Variants in CREB3L1 observed in about 807,000 individuals in gnomAD.
The protein encoded by CREB3L1 is cyclic AMP-responsive element-binding protein 3-like protein 1.
A neutral mutation model predicts 54.5 loss-of-function variants in CREB3L1; 33 were observed. The observed-to-expected ratio is 0.61, with a 90% CI of 0.46 to 0.81. The LOEUF (loss-of-function observed/expected upper bound fraction) is 0.81. Among genes scored for constraint, CREB3L1 ranks in the 30% least tolerant of loss-of-function variants. The probability of loss-of-function intolerance (pLI) is 0.00; values close to 1 mark genes in which losing one functional copy is unlikely to be tolerated. For missense variants in CREB3L1, 656 were observed against 673.3 expected (o/e 0.97, Z 0.29); for synonymous variants, 284 against 286.4 (o/e 0.99, Z 0.08).
intron 2 of CREB3L1, among the ~76,000 whole-genome samples, chr11:46,300,484 C>A (rs1392453410): frequency 1.3e-5 from 2 of 152,252 alleles, no homozygotes; most frequent in African/African-American, 2.4e-5. Context: ...GAATCACAAC[C>A]CTGTGGGTAG....
In CREB3L1 at chr11:46,277,732, C is replaced by T. The variant is rs1343402197; in HGVS notation, c.-380C>T. 1.8e-5 allele frequency: 4 copies of T among 222,532 alleles called. No homozygotes were observed. Among genetic ancestry groups the T allele is most frequent in the African/African-American group, 4.5e-5 (2 of 44,380 alleles). 13.8% of individuals were successfully genotyped at this position (222,532 alleles called of 1,614,324 possible). A position where few individuals can be genotyped will look rare whatever the true frequency, so the allele number is the denominator to read the frequency against. On this transcript the variant is annotated 5_prime_UTR_variant, in exon 1 of 12. Transcript: ENST00000621158. ...GAGGAGAGGCCGGCAGCCACCCAGT[C>T]TCGGGGGAGCACTTAGCTCCCCCGC...
chr11:46,316,097 C>A, intron 8 of CREB3L1, 189 bp from the exon 9 acceptor site: 1 of 528,884 alleles, frequency 1.9e-6, no homozygotes, highest in Non-Finnish European at 3.4e-6. Context: ...CAGCCAGTCA[C>A]CATGAGGCAG....
At chr11:46,313,633 C>A (rs1939523642) in intron 8 of CREB3L1, among the ~76,000 whole-genome samples, 1 of 151,986 alleles carries the variant, frequency 6.6e-6, no homozygotes, top group Admixed American at 6.6e-5. Context: ...TTGCAGTGAG[C>A]TGACACTGTG....
intron 10 of CREB3L1, among the ~76,000 whole-genome samples, chr11:46,319,275 G>A (rs1482169294): frequency 6.6e-6 from 1 of 152,210 alleles, no homozygotes; most frequent in African/African-American, 2.4e-5. Context: ...CACAGACTAT[G>A]AGGTCATGGC....
chr11:46,312,976 G>C, intron 8 of CREB3L1, 57 bp downstream of exon 8: 1 of 1,329,214 alleles, frequency 7.5e-7, no homozygotes, highest in Admixed American at 2.3e-5. Flanking sequence ...ACCCGTGCCT[G>C]GCTCTGCATA....
chr11:46,277,716 C>T lies in CREB3L1; in HGVS notation c.-396C>T, dbSNP rs1938892663. Reference sequence around the variant, plus strand: ...GGGAGACGCAGAGACAGAGGAGAGGCCGGCAGCCACCCAGTCTCGGGGGAG... The same window carrying T: ...GGGAGACGCAGAGACAGAGGAGAGGTCGGCAGCCACCCAGTCTCGGGGGAG... On this transcript the variant is annotated 5_prime_UTR_variant, in exon 1 of 12. Transcript: ENST00000621158. 2.3e-5 allele frequency: 5 copies of T among 212,870 alleles called. No individual in the cohort carries two copies. In the South Asian group the frequency reaches 9.4e-4, roughly 40 times the overall value. 13.2% of individuals were successfully genotyped at this position (212,870 alleles called of 1,614,324 possible).
At chr11:46,300,283 AC>A (rs2136345666) in intron 2 of CREB3L1, 120 bp downstream of exon 2, 1 of 721,960 alleles carries the variant, frequency 1.4e-6, no homozygotes, top group East Asian at 2.7e-5. Flanking sequence ...AAGAGGAGCC[AC>A]CACAAACCCC....
chr11:46,282,491 T>C (rs1390188927), intron 1 of CREB3L1, among the ~76,000 whole-genome samples: 4 of 152,152 alleles, frequency 2.6e-5, no homozygotes, highest in African/African-American at 9.7e-5. Context: ...GACTCCTGGA[T>C]CCATACTCAC....
At chr11:46,305,682 GTGTATATA>G (rs1566187712) in intron 2 of CREB3L1, among the ~76,000 whole-genome samples, 11 of 108,438 alleles carry the variant, frequency 1.0e-4, no homozygotes, top group Admixed American at 4.7e-4. Context: ...ATGTGTGTGT[GTGTATATA>G]TGTGTGTGTG....
intron 1 of CREB3L1, among the ~76,000 whole-genome samples, chr11:46,280,732 CCATCTCCAT>C (rs1388138284): frequency 6.6e-6 from 1 of 152,102 alleles, no homozygotes; most frequent in Non-Finnish European, 1.5e-5. Context: ...TCTGGGGTCT[CCATCTCCAT>C]ATCCGAGGTT....
chr11:46,287,395 CT>C (rs1433782584), intron 1 of CREB3L1, among the ~76,000 whole-genome samples: 1 of 152,020 alleles, frequency 6.6e-6, no homozygotes, highest in Non-Finnish European at 1.5e-5. Context: ...ACCTCCCGGA[CT>C]CAAGTGATCC....
intron 6 of CREB3L1, 44 bp downstream of exon 6, chr11:46,312,518 G>A: frequency 6.2e-7 from 1 of 1,609,990 alleles, no homozygotes; most frequent in South Asian, 1.1e-5. Context: ...TCCTTGGTGG[G>A]TGGGCTCCCC....
chr11:46,312,148 C>G (rs1040973627), intron 5 of CREB3L1, among the ~76,000 whole-genome samples, 177 bp from the exon 6 acceptor site: 2 of 152,196 alleles, frequency 1.3e-5, no homozygotes, highest in Non-Finnish European at 2.9e-5. Flanking sequence ...CTCAGCATGG[C>G]CCTGGCACCT....
chr11:46,306,027 G>A (rs117837188), intron 2 of CREB3L1, among the ~76,000 whole-genome samples: 5,148 of 151,712 alleles, frequency 0.034, 133 homozygotes, highest in Non-Finnish European at 0.054. Context: ...GTGAGCCACC[G>A]CGCCAGGCCA....
At chr11:46,305,744 ATAT>A (rs1417622499) in intron 2 of CREB3L1, among the ~76,000 whole-genome samples, 5 of 100,398 alleles carry the variant, frequency 5.0e-5, no homozygotes, top group Non-Finnish European at 7.7e-5. Context: ...ATATATATAT[ATAT>A]TTTTTTTTAA....
In CREB3L1 at chr11:46,309,915, G is replaced by A. The variant is rs1939458603; in HGVS notation, c.517-74G>A. On this transcript the variant is annotated intron_variant, in intron 3 of 11. Transcript: ENST00000621158. ...TGCAGGGCAGGCAACCAGCTTTAGG[G>A]AGGAGGTGGGTAGATGGCATGGTGG... The A allele has an allele frequency of 4.9e-6, 6 of 1,230,496 alleles. No individual in the cohort carries two copies. In the East Asian group the frequency reaches 1.3e-4, roughly 26 times the overall value. 76.2% of individuals were successfully genotyped at this position (1,230,496 alleles called of 1,614,324 possible).
intron 1 of CREB3L1, among the ~76,000 whole-genome samples, chr11:46,285,972 C>G (rs1939050391): frequency 6.6e-6 from 1 of 152,220 alleles, no homozygotes; most frequent in Non-Finnish European, 1.5e-5. Flanking sequence ...CCATGGGTTC[C>G]CCTCCACCTG....
chr11:46,303,802 AC>A (rs1226946523), intron 2 of CREB3L1, among the ~76,000 whole-genome samples: 1 of 151,532 alleles, frequency 6.6e-6, no homozygotes, highest in Non-Finnish European at 1.5e-5. Context: ...GGAGTTTGAG[AC>A]CAGCCTGGGC....
intron 1 of CREB3L1, among the ~76,000 whole-genome samples, chr11:46,285,281 G>A (rs1397484605): frequency 1.3e-5 from 2 of 152,192 alleles, no homozygotes; most frequent in South Asian, 2.1e-4. Context: ...AGAACAGGCT[G>A]TTTCTCTGGA....
Sources: allele counts gnomAD v4.1 joint callset (sites outside exome capture counted in the v4.1 genomes callset), GRCh38; gene constraint gnomAD v4.1.1; transcripts MANE v1.5; gene names NCBI Gene and HGNC (gene_info 2026-07-23, HGNC 2026-07-21).